Variants in AGPAT5 observed in about 807,000 individuals in gnomAD.
AGPAT5 encodes 1-acylglycerol-3-phosphate O-acyltransferase 5.
AGPAT5 carries 46 observed loss-of-function variants against 45.6 expected under a neutral mutation model. The observed-to-expected ratio is 1.01, with a 90% CI of 0.80 to 1.29. The LOEUF is 1.29. Among genes scored for constraint, AGPAT5 ranks in the 50% most tolerant of loss-of-function variants. AGPAT5 has a pLI of 0.00. For missense variants in AGPAT5, 673 were observed against 450.7 expected (o/e 1.49, Z -4.47); for synonymous variants, 272 against 167.0 (o/e 1.63, Z -4.85).
chr8:6,723,550 C>G (rs1800580111), intron 1 of AGPAT5, among the ~76,000 whole-genome samples: 2 of 151,820 alleles, frequency 1.3e-5, no homozygotes, highest in Admixed American at 6.6e-5. Context: ...AGTGCATACT[C>G]AATGGTCTTG....
At chr8:6,747,057 A>T (rs569901490) in intron 5 of AGPAT5, among the ~76,000 whole-genome samples, 2 of 152,264 alleles carry the variant, frequency 1.3e-5, no homozygotes, top group Non-Finnish European at 2.9e-5. Context: ...TGCAGCCTTC[A>T]TATGCAATTC....
chr8:6,752,871 C>G (rs969650467), intron 6 of AGPAT5, among the ~76,000 whole-genome samples: 4 of 152,132 alleles, frequency 2.6e-5, no homozygotes, highest in African/African-American at 9.7e-5. Context: ...TTAGAACCTC[C>G]TAAATGGCAT....
At chr8:6,725,169 A>G (rs1017213166) in intron 2 of AGPAT5, among the ~76,000 whole-genome samples, 1 of 152,214 alleles carries the variant, frequency 6.6e-6, no homozygotes, top group African/African-American at 2.4e-5. Flanking sequence ...TAAGTAAGCT[A>G]TCTTCTTACT....
In AGPAT5 at chr8:6,728,096, G is replaced by C. The variant is rs542894384; in HGVS notation, c.290-2615G>C. Among the ~76,000 whole-genome samples the C allele has an allele frequency of 8.5e-5, 13 of 152,282 alleles. No homozygotes were observed. In the South Asian group the frequency reaches 2.7e-3, roughly 32 times the overall value. Reference sequence around the variant, plus strand: ...ACTACACAGGGCCCTCATGAATTAGGAACTGCTGTTTCATGAGGATAGGGA... The same window carrying C: ...ACTACACAGGGCCCTCATGAATTAGCAACTGCTGTTTCATGAGGATAGGGA... On this transcript the variant is annotated intron_variant, in intron 2 of 7. Transcript: ENST00000285518.
chr8:6,737,843 G>T (rs1801104785), intron 4 of AGPAT5, among the ~76,000 whole-genome samples: 1 of 152,118 alleles, frequency 6.6e-6, no homozygotes, highest in Non-Finnish European at 1.5e-5. Flanking sequence ...TTTATGTTAT[G>T]GAGAGACGGC....
intron 4 of AGPAT5, among the ~76,000 whole-genome samples, chr8:6,733,920 C>A (rs1800951778): frequency 6.6e-6 from 1 of 152,054 alleles, no homozygotes; most frequent in African/African-American, 2.4e-5. Flanking sequence ...TTTTTTGCCC[C>A]CATGAATATA....
chr8:6,749,559 T>G (rs1801587098), intron 6 of AGPAT5, among the ~76,000 whole-genome samples: 1 of 152,220 alleles, frequency 6.6e-6, no homozygotes, highest in Admixed American at 6.5e-5. Flanking sequence ...ATAACCAGTT[T>G]TCTTAATTTG....
Position 6,747,763 on chromosome 8 carries a change from A to C in AGPAT5, c.680A>C (p.Asp227Ala). 1 of 1,614,196 alleles carries C rather than the reference A, an allele frequency of 6.2e-7. No homozygotes were observed. Among genetic ancestry groups the C allele is most frequent in the Non-Finnish European group, 8.5e-7 (1 of 1,180,030 alleles). Residue 227 changes from aspartate (D) to alanine (A), a missense_variant, in exon 6 of 8, where the codon GAT becomes GCT. Coordinates refer to ENST00000285518, the MANE Select transcript of AGPAT5 (RefSeq NM_018361.5). ...AAGAATTATTTAGATGCAATTTATGATGTTACGGTGGTTTATGAAGGGAAA... is the reference window on the plus strand; with the variant it reads ...AAGAATTATTTAGATGCAATTTATGCTGTTACGGTGGTTTATGAAGGGAAA... ...CMKNYLDAIY[D>A]VTVVYEGKDD... is the part of the protein sequence containing the mutation.
chr8:6,760,906 A>T lies in AGPAT5; in HGVS notation c.*3518A>T, dbSNP rs1464518005. Among the ~76,000 whole-genome samples the T allele has an allele frequency of 1.3e-5, 2 of 152,200 alleles. No homozygotes were observed. Among genetic ancestry groups the T allele is most frequent in the African/African-American group, 4.8e-5 (2 of 41,456 alleles). On this transcript the variant is annotated 3_prime_UTR_variant, in exon 8 of 8. Coordinates refer to ENST00000285518, the MANE Select transcript of AGPAT5 (RefSeq NM_018361.5). ...TAATTAACTGAATTTAAAACCTTCA[A>T]CTATTATGAAGTGCTCGTCTGTACA...
chr8:6,714,817 G>A (rs1381499814), intron 1 of AGPAT5, among the ~76,000 whole-genome samples: 2 of 152,180 alleles, frequency 1.3e-5, no homozygotes, highest in East Asian at 1.9e-4. Context: ...GTGCCATTAC[G>A]ATGGAAGGCA....
chr8:6,715,299 G>C (rs1424521715), intron 1 of AGPAT5, among the ~76,000 whole-genome samples: 3 of 152,184 alleles, frequency 2.0e-5, no homozygotes, highest in African/African-American at 4.8e-5. Flanking sequence ...AAAAGGGCCA[G>C]CTTGGAAGGT....
chr8:6,743,609 T>A (rs534519151), intron 5 of AGPAT5, among the ~76,000 whole-genome samples: 1 of 152,344 alleles, frequency 6.6e-6, no homozygotes, highest in Admixed American at 6.5e-5. Context: ...GTGCAGGCAC[T>A]GTGGTAATAT....
At chr8:6,709,830 GT>G (rs1440624426) in intron 1 of AGPAT5, among the ~76,000 whole-genome samples, 1 of 152,068 alleles carries the variant, frequency 6.6e-6, no homozygotes, top group Non-Finnish European at 1.5e-5. Context: ...GTTGGAAGTT[GT>G]TTGGGGGGAA....
chr8:6,744,346 C>G (rs1005566920), intron 5 of AGPAT5, among the ~76,000 whole-genome samples: 108 of 152,304 alleles, frequency 7.1e-4, no homozygotes, highest in Admixed American at 2.0e-3. Flanking sequence ...GGTAACGGCA[C>G]TCTCGCTCTT....
At chr8:6,711,392 T>C (rs1326962288) in intron 1 of AGPAT5, among the ~76,000 whole-genome samples, 2 of 152,250 alleles carry the variant, frequency 1.3e-5, no homozygotes, top group African/African-American at 4.8e-5. Flanking sequence ...AAATTGTTCC[T>C]TATAACTCGT....
intron 1 of AGPAT5, among the ~76,000 whole-genome samples, chr8:6,721,371 C>T (rs1017438097): frequency 1.3e-5 from 2 of 152,192 alleles, no homozygotes; most frequent in African/African-American, 4.8e-5. Context: ...GATAGACTAG[C>T]TAGCTCTTTC....
chr8:6,723,653 C>G (rs944973167), intron 1 of AGPAT5, among the ~76,000 whole-genome samples: 3 of 152,254 alleles, frequency 2.0e-5, no homozygotes, highest in Non-Finnish European at 4.4e-5. Flanking sequence ...ATTGGTATTA[C>G]TCATTTATGT....
intron 1 of AGPAT5, among the ~76,000 whole-genome samples, chr8:6,710,782 C>G (rs982588770): frequency 1.3e-5 from 2 of 152,116 alleles, no homozygotes; most frequent in Admixed American, 6.5e-5. Flanking sequence ...AAACATAAGA[C>G]CCAAAGGAAA....
Position 6,741,768 on chromosome 8 carries a change from G to C in AGPAT5, c.586+17G>C, listed in dbSNP as rs1801252773. 2 of 1,562,112 alleles carry C rather than the reference G, an allele frequency of 1.3e-6. No homozygotes were observed. The highest frequency in any genetic ancestry group is 1.4e-5 in the African/African-American group (1 of 73,096). On this transcript the variant is annotated intron_variant, in intron 5 of 7. Coordinates refer to ENST00000285518, the MANE Select transcript of AGPAT5 (RefSeq NM_018361.5). ...CCCAACGTGGTAAGTAAAAATTTGA[G>C]TGTTTGAACAAATAATTTTCAAAGA... is the stretch of plus-strand genomic sequence containing the variant.
Sources: allele counts gnomAD v4.1 joint callset (sites outside exome capture counted in the v4.1 genomes callset), GRCh38; gene constraint gnomAD v4.1.1; transcripts MANE v1.5; gene names NCBI Gene and HGNC (gene_info 2026-07-23, HGNC 2026-07-21).